Variants in ANAPC10 observed in about 807,000 individuals in gnomAD.
ANAPC10 encodes the protein anaphase promoting complex subunit 10.
In ANAPC10, 12 loss-of-function variants were observed where a neutral mutation model predicts 22.0. That is an observed-to-expected ratio of 0.55 (90% CI 0.35 to 0.88). ANAPC10 has a LOEUF of 0.88. Among genes scored for constraint, ANAPC10 ranks in the 40% least tolerant of loss-of-function variants. The pLI is 0.01. For synonymous variants in ANAPC10, 65 were observed against 69.5 expected (o/e 0.94, Z 0.32); for missense variants, 188 against 220.9 (o/e 0.85, Z 0.94).
chr4:145,003,490 C>A (rs1316977587), intron 4 of ANAPC10, among the ~76,000 whole-genome samples: 1 of 151,978 alleles, frequency 6.6e-6, no homozygotes, highest in East Asian at 1.9e-4. Context: ...AATTTACATT[C>A]CCAACAGCAG....
At chr4:145,023,023 C>A (rs905705015) in intron 4 of ANAPC10, among the ~76,000 whole-genome samples, 3 of 151,898 alleles carry the variant, frequency 2.0e-5, no homozygotes, top group African/African-American at 7.3e-5. Context: ...GTTATAACAG[C>A]CAGATTATCA....
At chr4:145,082,572 A>C (rs1023387017) in intron 2 of ANAPC10, among the ~76,000 whole-genome samples, 1 of 152,244 alleles carries the variant, frequency 6.6e-6, no homozygotes, top group Non-Finnish European at 1.5e-5. Flanking sequence ...TCAATATGCC[A>C]TGCTTACTGA....
At chr4:145,024,510 A>G (rs1214867317) in intron 4 of ANAPC10, among the ~76,000 whole-genome samples, 1 of 152,236 alleles carries the variant, frequency 6.6e-6, no homozygotes, top group Non-Finnish European at 1.5e-5. Context: ...ACATGAAAAC[A>G]TTAATTTCCT....
At chr4:145,073,475 G>A (rs2126535117) in intron 3 of ANAPC10, among the ~76,000 whole-genome samples, 1 of 152,170 alleles carries the variant, frequency 6.6e-6, no homozygotes, top group South Asian at 2.1e-4. Flanking sequence ...AATTTGGGGA[G>A]GAGGGTAAAT....
chr4:145,025,771 G>T (rs1019015838), intron 4 of ANAPC10, among the ~76,000 whole-genome samples: 3 of 152,180 alleles, frequency 2.0e-5, no homozygotes, highest in African/African-American at 7.2e-5. Context: ...GCTCAATGCA[G>T]AGTTGCCACA....
At chr4:145,015,070 G>A (rs1734895852) in intron 4 of ANAPC10, among the ~76,000 whole-genome samples, 1 of 151,902 alleles carries the variant, frequency 6.6e-6, no homozygotes, top group Non-Finnish European at 1.5e-5. Context: ...CACCAGCAGT[G>A]GATCCAAACC....
chr4:145,096,080 G>C lies in ANAPC10; in HGVS notation c.20C>G (p.Thr7Arg), dbSNP rs1748463918. The C allele has an allele frequency of 1.2e-6, 2 of 1,614,012 alleles. No individual in the cohort carries two copies. The highest frequency in any genetic ancestry group is 2.2e-5 in the East Asian group (1 of 44,886). Residue 7 changes from threonine to arginine, a missense_variant, in exon 2 of 5, where the codon ACA (threonine) becomes AGA (arginine). Thr to Arg is a moderately conservative substitution (Grantham distance 71). Transcript: ENST00000507656. The stretch of plus-strand genomic sequence containing the variant: ...CTGCTTGGGGTCAGCACCAGGAGGT[G>C]TCTTGTTTGGTGTAGTCATTTTTAA... MTTPNK[T>R]PPGADPKQLE... is the part of the protein sequence containing the mutation.
intron 3 of ANAPC10, among the ~76,000 whole-genome samples, chr4:145,077,325 G>C (rs1745341157): frequency 2.0e-5 from 3 of 152,222 alleles, no homozygotes; most frequent in African/African-American, 7.2e-5. Flanking sequence ...CCCTGACAGA[G>C]AGGGAGAAAC....
intron 4 of ANAPC10, among the ~76,000 whole-genome samples, chr4:144,996,970 G>GCTAT (rs1731714725): frequency 6.6e-6 from 1 of 152,124 alleles, no homozygotes; most frequent in African/African-American, 2.4e-5. Flanking sequence ...ATTCGATCAA[G>GCTAT]TGGAAGAAAG....
At chr4:145,051,464 G>C (rs1289671663) in intron 4 of ANAPC10, among the ~76,000 whole-genome samples, 1 of 152,048 alleles carries the variant, frequency 6.6e-6, no homozygotes, top group Non-Finnish European at 1.5e-5. Context: ...TTGAGCACAA[G>C]CTGTTAAAAA....
intron 4 of ANAPC10, among the ~76,000 whole-genome samples, chr4:145,030,276 C>T (rs1480242223): frequency 6.6e-6 from 1 of 152,188 alleles, no homozygotes; most frequent in Non-Finnish European, 1.5e-5. Context: ...AGACTTGAGC[C>T]AGTTTACAGA....
At chr4:145,064,458 AT>A in intron 4 of ANAPC10, 113 bp downstream of exon 4, 1 of 789,962 alleles carries the variant, frequency 1.3e-6, no homozygotes, top group Non-Finnish European at 1.8e-6. Flanking sequence ...TTTCTCCAAT[AT>A]TTTTCTCTTA....
At chr4:145,022,629 C>A (rs1224969092) in intron 4 of ANAPC10, among the ~76,000 whole-genome samples, 1 of 151,848 alleles carries the variant, frequency 6.6e-6, no homozygotes, top group Non-Finnish European at 1.5e-5. Flanking sequence ...CTAAACATCA[C>A]CTGTACTCCA....
intron 4 of ANAPC10, among the ~76,000 whole-genome samples, chr4:145,044,469 T>TC (rs1303069922): frequency 6.6e-6 from 1 of 151,928 alleles, no homozygotes; most frequent in Non-Finnish European, 1.5e-5. Flanking sequence ...TGCATTTCCT[T>TC]CCCCCCAACT....
intron 4 of ANAPC10, among the ~76,000 whole-genome samples, chr4:145,025,316 T>C (rs2127011349): frequency 6.8e-6 from 1 of 147,650 alleles, no homozygotes; most frequent in South Asian, 2.2e-4. Flanking sequence ...TTTTGGCCTA[T>C]TTTGGCTTTC....
intron 4 of ANAPC10, among the ~76,000 whole-genome samples, chr4:145,051,587 G>A (rs1005735656): frequency 2.0e-5 from 3 of 152,216 alleles, no homozygotes; most frequent in African/African-American, 7.2e-5. Context: ...AGGTAGGCCT[G>A]TATAGTACTT....
At chr4:145,095,948 A>G in intron 2 of ANAPC10, 37 bp downstream of exon 2, 1 of 1,613,704 alleles carries the variant, frequency 6.2e-7, no homozygotes, top group Non-Finnish European at 8.5e-7. Flanking sequence ...ACTGCAAGTG[A>G]CTATTTCCAA....
intron 2 of ANAPC10, among the ~76,000 whole-genome samples, chr4:145,086,855 G>C (rs1223885034): frequency 2.0e-5 from 3 of 151,524 alleles, no homozygotes; most frequent in Non-Finnish European, 4.4e-5. Context: ...CCTGGTGAGA[G>C]CAACTGCCCT....
chr4:145,028,715 A>C (rs1737101745), intron 4 of ANAPC10, among the ~76,000 whole-genome samples: 1 of 152,178 alleles, frequency 6.6e-6, no homozygotes, highest in Admixed American at 6.5e-5. Flanking sequence ...ATGCAAAATA[A>C]ATGTGTTTGA....
Sources: gnomAD v4.1 joint callset for allele counts (sites outside exome capture counted in the v4.1 genomes callset) on GRCh38, gnomAD v4.1.1 for gene constraint, MANE v1.5 for transcripts, NCBI Gene and HGNC (gene_info 2026-07-23, HGNC 2026-07-21) for gene names.